DENND2C: variants seen among roughly 807,000 people sequenced by gnomAD.
DENND2C encodes DENN domain-containing protein 2C.
DENND2C carries 72 observed loss-of-function variants against 112.4 expected under a neutral mutation model. That is an observed-to-expected ratio of 0.64 (90% confidence interval 0.53 to 0.78). The LOEUF (loss-of-function observed/expected upper bound fraction) is 0.78. Ranked by LOEUF, DENND2C falls within the 30% of genes least tolerant of loss-of-function variation. The pLI, the probability that DENND2C is intolerant of heterozygous loss-of-function variation, is 0.00. For synonymous variants in DENND2C, 329 were observed against 381.6 expected, an observed-to-expected ratio of 0.86 and a Z score of 1.61; for missense variants, 992 against 1,113.8, an observed-to-expected ratio of 0.89 and a Z score of 1.56.
At chr1:114,650,431 G>T (rs1570808089) in intron 2 of DENND2C, among the ~76,000 whole-genome samples, 1 of 151,878 alleles carries the variant, frequency 6.6e-6, no homozygotes, top group Non-Finnish European at 1.5e-5. Context: ...TTGGGAGGCC[G>T]AGGCGGATGG....
chr1:114,594,148 G>A (rs1490042999), intron 18 of DENND2C, among the ~76,000 whole-genome samples: 1 of 152,162 alleles, frequency 6.6e-6, no homozygotes, highest in African/African-American at 2.4e-5. Flanking sequence ...AGCACTAGAG[G>A]AATGGGTACA....
chr1:114,605,769 G>A (rs900419554), intron 10 of DENND2C, among the ~76,000 whole-genome samples: 2 of 152,128 alleles, frequency 1.3e-5, no homozygotes, highest in African/African-American at 4.8e-5. Flanking sequence ...CTCGAGCCTG[G>A]GTGACAGAGA....
chr1:114,643,454 G>A (rs1656899130), intron 3 of DENND2C, among the ~76,000 whole-genome samples: 1 of 151,986 alleles, frequency 6.6e-6, no homozygotes, highest in African/African-American at 2.4e-5. Flanking sequence ...AATAATAAAG[G>A]ACCAGACTAA....
At chr1:114,654,234 C>T (rs1657245759) in intron 2 of DENND2C, among the ~76,000 whole-genome samples, 1 of 152,068 alleles carries the variant, frequency 6.6e-6, no homozygotes, top group Non-Finnish European at 1.5e-5. Flanking sequence ...AGATCAAGAC[C>T]ATCCTGGCTA....
At chr1:114,593,250 G>A (rs749911792) in intron 18 of DENND2C, among the ~76,000 whole-genome samples, 11 of 152,060 alleles carry the variant, frequency 7.2e-5, no homozygotes, top group Admixed American at 5.2e-4. Flanking sequence ...ATCTAACCAC[G>A]CCATTTACAA....
intron 20 of DENND2C, 129 bp downstream of exon 20, chr1:114,587,258 G>A (rs1317185710): frequency 1.0e-5 from 10 of 964,446 alleles, no homozygotes; most frequent in African/African-American, 8.1e-5. Context: ...TGTTGCCCAC[G>A]CTGGTCTCAA....
At chr1:114,645,287 G>A (rs956213478) in intron 3 of DENND2C, among the ~76,000 whole-genome samples, 161 bp downstream of exon 3, 3 of 152,150 alleles carry the variant, frequency 2.0e-5, no homozygotes, top group African/African-American at 7.2e-5. Flanking sequence ...AGGTAATTAA[G>A]TTAAAATGAG....
intron 3 of DENND2C, among the ~76,000 whole-genome samples, chr1:114,633,873 C>G (rs1404081893): frequency 6.6e-6 from 1 of 152,076 alleles, no homozygotes; most frequent in Non-Finnish European, 1.5e-5. Flanking sequence ...AAAGCAAGAC[C>G]TAACTCTATG....
chr1:114,588,166 CCTT>C lies in DENND2C; in HGVS notation c.2432-217_2432-215del, dbSNP rs1376258994. ...CCTTCATTTTCTTCCCATACATACT[CCTT>C]CTACATCTTGCAACCTGGCTTGCAC... is the stretch of plus-strand genomic sequence containing the variant. On this transcript the variant is annotated intron_variant, in intron 18 of 20. Transcript: ENST00000393274. Among the ~76,000 whole-genome samples, 8 of 152,306 alleles carry C rather than the reference CCTT, an allele frequency of 5.3e-5. No homozygotes were observed. In the East Asian group the frequency reaches 1.2e-3, roughly 22 times the overall value.
intron 8 of DENND2C, among the ~76,000 whole-genome samples, chr1:114,614,579 AT>A (rs138317872): frequency 2.7e-5 from 4 of 150,174 alleles, no homozygotes; most frequent in African/African-American, 4.9e-5. Context: ...AAGTTGGAGG[AT>A]TTTTTTTTTC....
At chr1:114,588,684 A>AT in intron 18 of DENND2C, 2 of 152,342 alleles carry the variant, frequency 1.3e-5, no homozygotes, top group South Asian at 4.1e-4. Context: ...AACAATACAT[A>AT]TCTAAAGCTA....
intron 1 of DENND2C, among the ~76,000 whole-genome samples, chr1:114,655,937 G>A (rs543264533): frequency 1.4e-5 from 2 of 144,562 alleles, no homozygotes; most frequent in Admixed American, 7.0e-5. Context: ...TATAGCAGTC[G>A]GTTTTTCTTC....
chr1:114,632,727 T>C (rs1656529085), intron 3 of DENND2C, among the ~76,000 whole-genome samples: 1 of 151,974 alleles, frequency 6.6e-6, no homozygotes, highest in South Asian at 2.1e-4. Flanking sequence ...TGCTTTCAAC[T>C]TGTGGGGTTT....
intron 2 of DENND2C, among the ~76,000 whole-genome samples, chr1:114,650,333 AAAG>A (rs1490716846): frequency 6.6e-6 from 1 of 151,298 alleles, no homozygotes; most frequent in African/African-American, 2.4e-5. Context: ...TAAAAAAAAA[AAAG>A]ATGCAATTTT....
chr1:114,663,565 G>A (rs1393481852), intron 1 of DENND2C, among the ~76,000 whole-genome samples: 2 of 152,058 alleles, frequency 1.3e-5, no homozygotes, highest in Admixed American at 6.6e-5. Context: ...CCAAGCTTAC[G>A]AATTCAAATA....
intron 8 of DENND2C, 128 bp from the exon 9 acceptor site, chr1:114,611,245 C>A: frequency 1.0e-6 from 1 of 1,004,210 alleles, no homozygotes. Flanking sequence ...AGCCTTTCTC[C>A]AAACCACTTG....
At chr1:114,595,190 T>C (rs1655307686) in intron 17 of DENND2C, among the ~76,000 whole-genome samples, 1 of 152,202 alleles carries the variant, frequency 6.6e-6, no homozygotes, top group African/African-American at 2.4e-5. Flanking sequence ...CTAGAAATAA[T>C]CAGTGCTTGG....
chr1:114,652,058 C>T (rs934171044), intron 2 of DENND2C, among the ~76,000 whole-genome samples: 4 of 152,096 alleles, frequency 2.6e-5, no homozygotes, highest in East Asian at 1.9e-4. Flanking sequence ...AGGAGGGAGC[C>T]GACTGGCACA....
chr1:114,601,767 T>C (rs929126556), intron 12 of DENND2C, among the ~76,000 whole-genome samples, 182 bp from the exon 13 acceptor site: 5 of 152,174 alleles, frequency 3.3e-5, no homozygotes, highest in Admixed American at 2.6e-4. Context: ...TTATTCTAGG[T>C]TTAGTGAAGC....
Sources: allele counts gnomAD v4.1 joint callset (sites outside exome capture counted in the v4.1 genomes callset), GRCh38; gene constraint gnomAD v4.1.1; transcripts MANE v1.5; gene names NCBI Gene and HGNC (gene_info 2026-07-23, HGNC 2026-07-21).